KCNMA1: variants seen among roughly 807,000 people sequenced by gnomAD.
The protein encoded by KCNMA1 is Calcium-activated potassium channel subunit alpha-1.
A neutral mutation model predicts 140.0 loss-of-function variants in KCNMA1; 29 were observed. That is an observed-to-expected ratio of 0.21 (90% CI 0.15 to 0.28). KCNMA1 has a LOEUF of 0.28. KCNMA1 is among the 10% of genes least tolerant of loss of function. The probability of loss-of-function intolerance (pLI) is 1.00; values close to 1 mark genes in which losing one functional copy is unlikely to be tolerated. For missense variants in KCNMA1, 880 were observed against 1,602.2 expected, an observed-to-expected ratio of 0.55 and a Z score of 7.70; for synonymous variants, 612 against 611.9, an observed-to-expected ratio of 1.00 and a Z score of 0.00.
At chr10:77,036,382 A>C (rs2094335261) in intron 15 of KCNMA1, among the ~76,000 whole-genome samples, 1 of 152,106 alleles carries the variant, frequency 6.6e-6, no homozygotes, top group Admixed American at 6.6e-5. Context: ...TCCTGCTCCC[A>C]TATCTTTTCA....
chr10:77,112,040 C>T (rs1596207006), intron 7 of KCNMA1, among the ~76,000 whole-genome samples: 1 of 152,298 alleles, frequency 6.6e-6, no homozygotes, highest in East Asian at 1.9e-4. Context: ...CAGACCTTTT[C>T]CAGGTGTTTG....
intron 1 of KCNMA1, among the ~76,000 whole-genome samples, chr10:77,411,780 C>A (rs1173338180): frequency 6.6e-6 from 1 of 152,206 alleles, no homozygotes. Flanking sequence ...AAACACAGTT[C>A]CTTTCTCTGC....
chr10:76,912,022 G>A (rs576236216), intron 24 of KCNMA1: 2 of 152,332 alleles, frequency 1.3e-5, no homozygotes, highest in East Asian at 3.9e-4. Flanking sequence ...ACTCCCGATT[G>A]CCAGTGAGCT....
intron 2 of KCNMA1, among the ~76,000 whole-genome samples, chr10:77,271,742 C>T (rs182721960): frequency 6.6e-5 from 10 of 152,176 alleles, no homozygotes; most frequent in African/African-American, 2.4e-4. Context: ...AAAAATCTCT[C>T]ATTGTGAACA....
At chr10:77,489,694 C>A (rs1472662148) in intron 1 of KCNMA1, among the ~76,000 whole-genome samples, 1 of 152,196 alleles carries the variant, frequency 6.6e-6, no homozygotes, top group Non-Finnish European at 1.5e-5. Flanking sequence ...TCAGCAAGCC[C>A]AGAATAGGAA....
intron 21 of KCNMA1, among the ~76,000 whole-genome samples, chr10:76,950,806 C>G (rs570579467): frequency 6.6e-6 from 1 of 152,292 alleles, no homozygotes; most frequent in South Asian, 2.1e-4. Context: ...GGGGCTGTCA[C>G]CATTATTGGT....
intron 2 of KCNMA1, among the ~76,000 whole-genome samples, chr10:77,288,812 T>C (rs551008057): frequency 7.9e-5 from 12 of 152,350 alleles, no homozygotes; most frequent in African/African-American, 2.9e-4. Context: ...CTACTGATAC[T>C]CGCATTTTAA....
In KCNMA1 at chr10:77,108,495, C is replaced by G; in HGVS notation, c.1209G>C (p.Ala403=). The G allele has an allele frequency of 1.2e-6, 2 of 1,613,476 alleles. No homozygotes were observed. Among genetic ancestry groups the G allele is most frequent in the Non-Finnish European group, 8.5e-7 (1 of 1,179,660 alleles). Residue 403 remains alanine (A), a synonymous_variant, in exon 9 of 28, where the codon GCG becomes GCC. Transcript: ENST00000286628. This position sits in a 1 kb window ranked among gnomAD's most constrained non-coding sequence, Gnocchi z 4.6. ...NRKKYGGSYS[A]VSGRKHIVVC... ...GGCATACTTACTTTCTTCCACTAAC[C>G]GCACTATAGGAGCCCCCGTATTTCT...
intron 1 of KCNMA1, among the ~76,000 whole-genome samples, chr10:77,500,155 T>G (rs901315729): frequency 2.0e-5 from 3 of 151,240 alleles, no homozygotes; most frequent in Non-Finnish European, 2.9e-5. Flanking sequence ...CAAAAAAGAC[T>G]GCAAAAAGCA....
At chr10:77,025,242 G>GTATATATATATATATATA (rs1183311699) in intron 16 of KCNMA1, among the ~76,000 whole-genome samples, 11 of 42,718 alleles carry the variant, frequency 2.6e-4, no homozygotes, top group South Asian at 1.1e-3. Context: ...GGGTGTGTGT[G>GTATATATATATATATATA]TATATATATA....
At chr10:77,637,150 G>A in intron 1 of KCNMA1, 115 bp downstream of exon 1, 2 of 1,248,488 alleles carry the variant, frequency 1.6e-6, no homozygotes, top group Non-Finnish European at 1.1e-6. Context: ...GCGAGGGGAA[G>A]GCAGGCGGGG....
intron 1 of KCNMA1, among the ~76,000 whole-genome samples, chr10:77,460,147 A>G (rs1199914298): frequency 6.6e-6 from 1 of 152,238 alleles, no homozygotes; most frequent in Non-Finnish European, 1.5e-5. Context: ...CCTGCAGGCC[A>G]TAGTTTACTA....
At chr10:77,324,940 A>ACTCTCTCTCTCTCT (rs3068755) in intron 2 of KCNMA1, among the ~76,000 whole-genome samples, 349 of 93,312 alleles carry the variant, frequency 3.7e-3, no homozygotes, top group Middle Eastern at 6.4e-3. Flanking sequence ...ATAGCTCTAG[A>ACTCTCTCTCTCTCT]CTCTCTCTCT....
chr10:77,193,477 T>G (rs1399188905), intron 3 of KCNMA1, among the ~76,000 whole-genome samples: 1 of 151,962 alleles, frequency 6.6e-6, no homozygotes, highest in African/African-American at 2.4e-5. Context: ...TAGCCATCCC[T>G]TTTTTTTAGG....
chr10:77,382,406 T>C (rs550381451), intron 2 of KCNMA1, among the ~76,000 whole-genome samples: 1 of 152,308 alleles, frequency 6.6e-6, no homozygotes, highest in South Asian at 2.1e-4. Flanking sequence ...GTGAAGCAGC[T>C]TGTCCAAGAT....
intron 3 of KCNMA1, among the ~76,000 whole-genome samples, chr10:77,211,418 C>G (rs938013498): frequency 6.6e-6 from 1 of 152,142 alleles, no homozygotes; most frequent in East Asian, 1.9e-4. Context: ...AAGAATGAAA[C>G]TGGACTCTTA....
chr10:77,482,592 C>G (rs1229649100), intron 1 of KCNMA1, among the ~76,000 whole-genome samples: 1 of 152,074 alleles, frequency 6.6e-6, no homozygotes, highest in African/African-American at 2.4e-5. Flanking sequence ...CATTTGGGAC[C>G]TTTTGCCTGC....
chr10:76,977,351 T>C (rs535240361), intron 19 of KCNMA1, among the ~76,000 whole-genome samples: 3 of 152,262 alleles, frequency 2.0e-5, no homozygotes. Context: ...AAACAAAATC[T>C]AAGAATAATA....
At chr10:77,356,702 T>C (rs896243311) in intron 2 of KCNMA1, among the ~76,000 whole-genome samples, 6 of 152,186 alleles carry the variant, frequency 3.9e-5, no homozygotes, top group Non-Finnish European at 8.8e-5. Flanking sequence ...GCTATTATCT[T>C]TACCTGACTA....
Sources: allele counts gnomAD v4.1 joint callset (sites outside exome capture counted in the v4.1 genomes callset), GRCh38; gene constraint gnomAD v4.1.1; non-coding constraint Gnocchi (gnomAD v3.1); transcripts MANE v1.5; gene names NCBI Gene and HGNC (gene_info 2026-07-23, HGNC 2026-07-21).